Variants in ANKHD1 observed in about 807,000 individuals in gnomAD.
The protein encoded by ANKHD1 is ankyrin repeat and KH domain containing 1, also known as ankyrin repeat and KH domain-containing protein 1.
ANKHD1 carries 31 observed loss-of-function variants against 230.5 expected under a neutral mutation model. The observed-to-expected ratio is 0.13, with a 90% confidence interval of 0.10 to 0.18. The LOEUF (loss-of-function observed/expected upper bound fraction) is 0.18. Ranked by LOEUF, ANKHD1 falls within the 10% of genes least tolerant of loss-of-function variation. The pLI, the probability that ANKHD1 is intolerant of heterozygous loss-of-function variation, is 1.00. For synonymous variants in ANKHD1, 1,074 were observed against 1,117.6 expected (o/e 0.96, Z 0.78); for missense variants, 2,256 against 3,071.3 (o/e 0.73, Z 6.27).
intron 10 of ANKHD1, among the ~76,000 whole-genome samples, chr5:140,479,607 A>G (rs1446239552): frequency 6.6e-6 from 1 of 151,398 alleles, no homozygotes; most frequent in African/African-American, 2.4e-5. Flanking sequence ...TATTCCCATT[A>G]TTGATTCCCA....
At chr5:140,499,061 C>G (rs529883195) in intron 15 of ANKHD1, among the ~76,000 whole-genome samples, 1 of 151,966 alleles carries the variant, frequency 6.6e-6, no homozygotes, top group South Asian at 2.1e-4. Context: ...CCACATTGTA[C>G]AATATTCTTT....
intron 4 of ANKHD1, 113 bp downstream of exon 4, chr5:140,440,379 C>A: frequency 1.4e-6 from 2 of 1,388,680 alleles, no homozygotes; most frequent in Admixed American, 2.9e-5. Context: ...TCTCTTCCCC[C>A]ATCCTCCTTC....
In ANKHD1 at chr5:140,524,058, A is replaced by G. The variant is rs188421710; in HGVS notation, c.4318-8A>G. On this transcript the variant is annotated splice_polypyrimidine_tract_variant and splice_region_variant and intron_variant, in intron 24 of 33. Transcript: ENST00000360839. ...ATTGGTAAAATTATATACCTGCTTT[A>G]TTTCCAGTCAAGAGAAGAGAGCAGA... is the stretch of plus-strand genomic sequence containing the variant. 41 of 1,564,682 alleles carry G rather than the reference A, an allele frequency of 2.6e-5. No homozygotes were observed. The East Asian group carries it at 5.5e-4, about 21-fold the overall frequency.
chr5:140,418,855 C>T (rs1015827305), intron 1 of ANKHD1, among the ~76,000 whole-genome samples: 2 of 152,060 alleles, frequency 1.3e-5, no homozygotes, highest in Non-Finnish European at 2.9e-5. Context: ...CTCAGCCTCG[C>T]GAGTAGCTGG....
intron 1 of ANKHD1, among the ~76,000 whole-genome samples, chr5:140,417,462 A>G (rs1298791138): frequency 2.6e-5 from 4 of 151,842 alleles, no homozygotes; most frequent in Admixed American, 2.6e-4. Context: ...TTTAATTAAT[A>G]ATTAATTAAA....
intron 10 of ANKHD1, among the ~76,000 whole-genome samples, chr5:140,476,622 A>G (rs531781917): frequency 2.0e-5 from 3 of 152,248 alleles, no homozygotes; most frequent in Admixed American, 6.5e-5. Flanking sequence ...AGGAAAAAAT[A>G]AACATATTTT....
At chr5:140,475,096 A>G (rs1000003539) in intron 10 of ANKHD1, among the ~76,000 whole-genome samples, 1 of 152,182 alleles carries the variant, frequency 6.6e-6, no homozygotes, top group Non-Finnish European at 1.5e-5. Context: ...CTCTCTTTCT[A>G]TGTTATTGTG....
chr5:140,519,763 A>G (rs1305501528), intron 24 of ANKHD1, among the ~76,000 whole-genome samples: 3 of 152,204 alleles, frequency 2.0e-5, no homozygotes, highest in Non-Finnish European at 4.4e-5. Flanking sequence ...CTTACACCTT[A>G]TACAAAAATC....
intron 15 of ANKHD1, among the ~76,000 whole-genome samples, chr5:140,504,371 A>G (rs1752455865): frequency 6.6e-6 from 1 of 152,152 alleles, no homozygotes; most frequent in Admixed American, 6.5e-5. Context: ...TGAATTGTAC[A>G]CAGGATATTT....
chr5:140,529,089 C>G lies in ANKHD1; in HGVS notation c.6143C>G (p.Ala2048Gly). 1 of 1,614,052 alleles carries G rather than the reference C, an allele frequency of 6.2e-7. No individual in the cohort carries two copies. ...AACCTATGTACCCCATCTTCAACTGCAAACAGTTGCAGTAGCTCTGCCAGC... is the reference window on the plus strand; with the variant it reads ...AACCTATGTACCCCATCTTCAACTGGAAACAGTTGCAGTAGCTCTGCCAGC... ...MANLCTPSST[A>G]NSCSSSASNT... Residue 2048 changes from alanine (A) to glycine (G), a missense_variant, in exon 29 of 34, where the codon GCA (alanine) becomes GGA (glycine). Ala to Gly is a moderately conservative substitution (Grantham distance 60). This residue lies in a region of ANKHD1 where 778 missense variants were observed against 966.5 expected (regional missense o/e 0.80). Coordinates refer to ENST00000360839, the MANE Select transcript of ANKHD1 (RefSeq NM_017747.3).
At chr5:140,409,111 C>T (rs1316748298) in intron 1 of ANKHD1, among the ~76,000 whole-genome samples, 1 of 152,142 alleles carries the variant, frequency 6.6e-6, no homozygotes, top group Non-Finnish European at 1.5e-5. Flanking sequence ...AGCTACCGGT[C>T]TAGAGGCCAC....
At chr5:140,439,531 G>T (rs886117292) in intron 3 of ANKHD1, among the ~76,000 whole-genome samples, 1 of 152,090 alleles carries the variant, frequency 6.6e-6, no homozygotes, top group Admixed American at 6.6e-5. Flanking sequence ...TTAGCCAGCT[G>T]TGGTGGCACA....
Position 140,436,136 on chromosome 5 carries a change from G to A in ANKHD1, c.339G>A (p.Leu113=). 1 of 1,591,996 alleles carries A rather than the reference G, an allele frequency of 6.3e-7. No individual in the cohort carries two copies. ...CATTTATTTTGGACCAAGAAGATCT[G>A]GATAACCCAGTGCTTAAAACAACAT... ...VESFILDQED[L]DNPVLKTTSE... is the part of the protein sequence containing the mutation. Residue 113 remains leucine, a synonymous_variant, in exon 2 of 34, where the codon CTG becomes CTA. Transcript: ENST00000360839.
rs1310789244 is a variant in ANKHD1, at chr5:140,528,401, GCAA to G, written c.5460_5462del (p.Thr1821del). Reference sequence around the variant, plus strand: ...TGCTCCAACTCTTGTAACTTCACAGGCAACAACGTTATCTACGTTCCAGCCCGC... The same window carrying G: ...TGCTCCAACTCTTGTAACTTCACAGGCAACGTTATCTACGTTCCAGCCCGC... On this transcript the variant is annotated inframe_deletion, in exon 29 of 34. Transcript: ENST00000360839. 4 of 1,614,024 alleles carry G rather than the reference GCAA, an allele frequency of 2.5e-6. No individual in the cohort carries two copies. Among genetic ancestry groups the G allele is most frequent in the East Asian group, 2.2e-5 (1 of 44,868 alleles).
chr5:140,405,756 C>T (rs961351732), intron 1 of ANKHD1, among the ~76,000 whole-genome samples: 1 of 152,150 alleles, frequency 6.6e-6, no homozygotes, highest in African/African-American at 2.4e-5. Flanking sequence ...TCTCACCCTC[C>T]TGAGTAGCTG....
At chr5:140,502,761 TTATTAC>T (rs1463179991) in intron 15 of ANKHD1, among the ~76,000 whole-genome samples, 1 of 152,182 alleles carries the variant, frequency 6.6e-6, no homozygotes, top group African/African-American at 2.4e-5. Context: ...CAATTTTTCA[TTATTAC>T]TATTATTTTT....
At chr5:140,501,521 G>A (rs754125400) in intron 15 of ANKHD1, among the ~76,000 whole-genome samples, 7 of 151,930 alleles carry the variant, frequency 4.6e-5, no homozygotes, top group African/African-American at 1.2e-4. Flanking sequence ...AGGCCAAGGC[G>A]AGCAGATCAT....
intron 15 of ANKHD1, 127 bp downstream of exon 15, chr5:140,497,405 C>T (rs753883293): frequency 7.7e-6 from 11 of 1,422,154 alleles, no homozygotes; most frequent in Non-Finnish European, 9.2e-6. Context: ...ACCCATTTCT[C>T]GAAGTATTTT....
chr5:140,449,724 T>TA (rs1774562609), intron 7 of ANKHD1, among the ~76,000 whole-genome samples: 1 of 152,056 alleles, frequency 6.6e-6, no homozygotes, highest in South Asian at 2.1e-4. Context: ...AATGCTAAAT[T>TA]AAACAAAGTT....
Sources: allele counts gnomAD v4.1 joint callset (sites outside exome capture counted in the v4.1 genomes callset), GRCh38; gene constraint gnomAD v4.1.1; regional missense constraint gnomAD v4.1.1; transcripts MANE v1.5; gene names NCBI Gene and HGNC (gene_info 2026-07-23, HGNC 2026-07-21).